Variants in FBXO25 observed in about 807,000 individuals in gnomAD.
The protein encoded by FBXO25 is F-box protein 25, also known as F-box only protein 25.
Under a neutral mutation model 51.9 loss-of-function variants are expected in FBXO25, and 45 were observed. The observed-to-expected ratio is 0.87, with a 90% CI of 0.68 to 1.11. The LOEUF (loss-of-function observed/expected upper bound fraction) is 1.11, where lower values mean the gene tolerates loss of function less well. Among genes scored for constraint, FBXO25 ranks in the 50% most tolerant of loss-of-function variants. FBXO25 has a pLI of 0.00. For synonymous variants in FBXO25, 199 were observed against 151.0 expected, an observed-to-expected ratio of 1.32 and a Z score of -2.33; for missense variants, 507 against 428.5, an observed-to-expected ratio of 1.18 and a Z score of -1.62.
intron 9 of FBXO25, chr8:468,099 C>G (rs1276150932): frequency 5.6e-6 from 6 of 1,080,902 alleles, no homozygotes; most frequent in Middle Eastern, 4.2e-4. Flanking sequence ...TGCGTTCCTC[C>G]TAAGAGTCTG....
chr8:434,560 T>C (rs1204696006), intron 4 of FBXO25, among the ~76,000 whole-genome samples: 1 of 152,208 alleles, frequency 6.6e-6, no homozygotes, highest in African/African-American at 2.4e-5. Context: ...CACATGAGCC[T>C]CTGAGTGTAT....
At position 476,525 on chromosome 8, in the gene FBXO25, C is replaced by G. The variant is rs373079697; in HGVS notation, c.*7721C>G. ...GGAGGCTTTTCTTTACTACTTCATGCTCTTGACTAGCATAGGTCTGTTCAG... is the reference window on the plus strand; with the variant it reads ...GGAGGCTTTTCTTTACTACTTCATGGTCTTGACTAGCATAGGTCTGTTCAG... On this transcript the variant is annotated 3_prime_UTR_variant, in exon 10 of 10. Transcript: ENST00000350302. The G allele has an allele frequency of 6.6e-6, 1 of 152,130 alleles. No individual in the cohort carries two copies. Among genetic ancestry groups the G allele is most frequent in the African/African-American group, 2.4e-5 (1 of 41,428 alleles). The allele number at this position is 152,130 out of a possible 1,614,324, so 9.4% of individuals were successfully genotyped here.
At chr8:442,931 A>G (rs1400818070) in intron 5 of FBXO25, among the ~76,000 whole-genome samples, 2 of 152,238 alleles carry the variant, frequency 1.3e-5, no homozygotes, top group South Asian at 2.1e-4. Context: ...GGCATTTCCT[A>G]TAATTACCCC....
intron 1 of FBXO25, 195 bp downstream of exon 1, chr8:407,261 A>T (rs1280525756): frequency 5.5e-5 from 33 of 594,950 alleles, no homozygotes; most frequent in Non-Finnish European, 6.2e-5. Context: ...GGCCTGTGGG[A>T]GGGTCAGGTG....
chr8:422,061 A>G (rs1328277200), intron 2 of FBXO25, among the ~76,000 whole-genome samples: 3 of 152,242 alleles, frequency 2.0e-5, no homozygotes, highest in Non-Finnish European at 4.4e-5. Context: ...AATCACCATG[A>G]TAATTGTTAT....
chr8:436,510 T>A (rs1798111459), intron 5 of FBXO25, among the ~76,000 whole-genome samples: 1 of 152,214 alleles, frequency 6.6e-6, no homozygotes, highest in South Asian at 2.1e-4. Context: ...GAGCAGAATT[T>A]CCAGGGCTGC....
At chr8:437,196 T>A (rs1798151978) in intron 5 of FBXO25, among the ~76,000 whole-genome samples, 1 of 152,240 alleles carries the variant, frequency 6.6e-6, no homozygotes, top group African/African-American at 2.4e-5. Context: ...GTAAATTTTC[T>A]GTCGGTCATT....
chr8:459,378 A>G (rs1388388872), intron 8 of FBXO25, among the ~76,000 whole-genome samples: 1 of 152,188 alleles, frequency 6.6e-6, no homozygotes, highest in Non-Finnish European at 1.5e-5. Flanking sequence ...GGACCCTAGC[A>G]TGGGGAGGGT....
At chr8:407,240 G>C (rs1796207478) in intron 1 of FBXO25, among the ~76,000 whole-genome samples, 174 bp downstream of exon 1, 1 of 150,808 alleles carries the variant, frequency 6.6e-6, no homozygotes, top group East Asian at 2.0e-4. Context: ...GAGCGCGTCA[G>C]GTGGGGACGG....
chr8:411,392 T>A (rs1392254789), intron 1 of FBXO25, among the ~76,000 whole-genome samples: 1 of 152,224 alleles, frequency 6.6e-6, no homozygotes, highest in Non-Finnish European at 1.5e-5. Context: ...GGCTTATATC[T>A]GCCGATCCCT....
At chr8:427,430 T>G (rs1268285008) in intron 2 of FBXO25, among the ~76,000 whole-genome samples, 29 of 151,098 alleles carry the variant, frequency 1.9e-4, no homozygotes, top group Admixed American at 1.9e-3. Flanking sequence ...TATGCGAGAT[T>G]TTTTCTCCCT....
chr8:442,229 G>C (rs1276946039), intron 5 of FBXO25, among the ~76,000 whole-genome samples: 1 of 151,924 alleles, frequency 6.6e-6, no homozygotes, highest in Non-Finnish European at 1.5e-5. Context: ...AAATGAATGA[G>C]TGACTGAGCA....
intron 2 of FBXO25, among the ~76,000 whole-genome samples, chr8:425,421 A>G (rs188204437): frequency 3.3e-4 from 49 of 150,254 alleles, no homozygotes; most frequent in African/African-American, 1.1e-3. Flanking sequence ...TTTTCTAATC[A>G]GATACCTAGT....
chr8:474,927 T>A lies in FBXO25; in HGVS notation c.*6123T>A. 2.2e-6 allele frequency: 1 copy of A among 454,966 alleles called. No homozygotes were observed. Among genetic ancestry groups the A allele is most frequent in the South Asian group, 1.6e-5 (1 of 63,996 alleles). The allele number at this position is 454,966 out of a possible 1,614,324, so 28.2% of individuals were successfully genotyped here. A position where few individuals can be genotyped will look rare whatever the true frequency, so the allele number is the denominator to read the frequency against. On this transcript the variant is annotated 3_prime_UTR_variant, in exon 10 of 10. Transcript: ENST00000350302. ...AGATATATCATTTTAAAATACTTTGTCCCATTCCGTGGATTGCCTTTCACT... is the reference window on the plus strand; with the variant it reads ...AGATATATCATTTTAAAATACTTTGACCCATTCCGTGGATTGCCTTTCACT...
chr8:436,804 C>T (rs1798131981), intron 5 of FBXO25, among the ~76,000 whole-genome samples: 1 of 152,142 alleles, frequency 6.6e-6, no homozygotes, highest in Non-Finnish European at 1.5e-5. Flanking sequence ...TAGTTCAGAC[C>T]ATACTGAGTT....
In FBXO25 at chr8:473,176, G is replaced by C. The variant is rs1012884878; in HGVS notation, c.*4372G>C. The C allele has an allele frequency of 3.3e-5, 5 of 152,330 alleles. No homozygotes were observed. The highest frequency in any genetic ancestry group is 2.0e-4 in the Admixed American group (3 of 15,290). 9.4% of individuals were successfully genotyped at this position (152,330 alleles called of 1,614,324 possible). A position where few individuals can be genotyped will look rare whatever the true frequency, so the allele number is the denominator to read the frequency against. On this transcript the variant is annotated 3_prime_UTR_variant, in exon 10 of 10. Coordinates refer to ENST00000350302, the MANE Select transcript of FBXO25 (RefSeq NM_183420.2). ...CTGTTGTTTCTGCATAGAGGAGGCAGACCCTCAACTTTGGAAAGCAGTGTC... is the reference window on the plus strand; with the variant it reads ...CTGTTGTTTCTGCATAGAGGAGGCACACCCTCAACTTTGGAAAGCAGTGTC...
chr8:444,716 C>T (rs551308551), intron 5 of FBXO25, among the ~76,000 whole-genome samples: 1 of 152,030 alleles, frequency 6.6e-6, no homozygotes, highest in Admixed American at 6.5e-5. Context: ...CGTGTAGTGT[C>T]GTGGCCACAT....
rs1408428089 is a variant in FBXO25 at position 475,564 on chromosome 8, CTATT to C, written c.*6766_*6769del. The C allele has an allele frequency of 1.3e-5, 2 of 151,902 alleles. No individual in the cohort carries two copies. The highest frequency in any genetic ancestry group is 4.8e-5 in the African/African-American group (2 of 41,282). 9.4% of individuals were successfully genotyped at this position (151,902 alleles called of 1,614,324 possible). The stretch of plus-strand genomic sequence containing the variant: ...CAATCCATAAACACGGGATTGCTTT[CTATT>C]TATTTGTGTTGACCTTACTTTCTTT... On this transcript the variant is annotated 3_prime_UTR_variant, in exon 10 of 10. Coordinates refer to ENST00000350302, the MANE Select transcript of FBXO25 (RefSeq NM_183420.2).
intron 7 of FBXO25, among the ~76,000 whole-genome samples, chr8:452,693 G>T (rs116437565): frequency 1.3e-5 from 2 of 152,310 alleles, no homozygotes; most frequent in East Asian, 1.9e-4. Flanking sequence ...AGCCTTTCTT[G>T]TCTGGCTGGG....
Sources: allele counts gnomAD v4.1 joint callset (sites outside exome capture counted in the v4.1 genomes callset), GRCh38; gene constraint gnomAD v4.1.1; transcripts MANE v1.5; gene names NCBI Gene and HGNC (gene_info 2026-07-23, HGNC 2026-07-21).